CNOT4: variants seen among roughly 807,000 people sequenced by gnomAD.
CNOT4 encodes CCR4-associated factor 4.
A neutral mutation model predicts 73.8 loss-of-function variants in CNOT4; 8 were observed. The ratio of observed to expected loss-of-function variants is 0.11; its 90% CI spans 0.06 to 0.20. The LOEUF (loss-of-function observed/expected upper bound fraction) is 0.20. Ranked by LOEUF, CNOT4 falls within the 10% of genes least tolerant of loss-of-function variation. The pLI is 1.00. For synonymous variants in CNOT4, 293 were observed against 321.1 expected (o/e 0.91, Z 0.94); for missense variants, 564 against 883.4 (o/e 0.64, Z 4.58).
At chr7:135,466,576 T>A (rs1801237704) in intron 1 of CNOT4, among the ~76,000 whole-genome samples, 1 of 152,166 alleles carries the variant, frequency 6.6e-6, no homozygotes, top group Non-Finnish European at 1.5e-5. Context: ...GTAGCCTAAC[T>A]ATACAGTGTT....
At chr7:135,387,925 C>T (rs1200021663) in intron 10 of CNOT4, 1 of 959,932 alleles carries the variant, frequency 1.0e-6, no homozygotes, top group Non-Finnish European at 1.2e-6. Flanking sequence ...CTTATTATCA[C>T]ATTTTAATTA....
chr7:135,421,428 T>TA (rs1279699252), intron 3 of CNOT4, among the ~76,000 whole-genome samples: 1 of 152,114 alleles, frequency 6.6e-6, no homozygotes, highest in East Asian at 1.9e-4. Flanking sequence ...ATATTTGCCT[T>TA]CTCAACAATC....
intron 2 of CNOT4, among the ~76,000 whole-genome samples, chr7:135,435,797 T>C (rs1799120247): frequency 6.6e-6 from 1 of 152,234 alleles, no homozygotes; most frequent in South Asian, 2.1e-4. Context: ...GACATATTGC[T>C]GGACAGGTAA....
intron 10 of CNOT4, chr7:135,387,013 A>C (rs1796152574): frequency 2.3e-6 from 2 of 870,206 alleles, no homozygotes; most frequent in South Asian, 1.1e-4. Flanking sequence ...GCATCATTAC[A>C]AGGAGCCAGA....
intron 1 of CNOT4, among the ~76,000 whole-genome samples, chr7:135,492,482 G>A (rs1803173284): frequency 6.6e-6 from 1 of 152,228 alleles, no homozygotes; most frequent in Admixed American, 6.5e-5. Flanking sequence ...GCAAGGTACA[G>A]TGAAAAGGCA....
At chr7:135,400,488 T>C (rs1796949237) in intron 7 of CNOT4, among the ~76,000 whole-genome samples, 1 of 152,114 alleles carries the variant, frequency 6.6e-6, no homozygotes, top group Non-Finnish European at 1.5e-5. Context: ...TGGATCTTGG[T>C]TCATCTTCCC....
chr7:135,404,011 T>C (rs1341458981), intron 7 of CNOT4, among the ~76,000 whole-genome samples: 1 of 152,086 alleles, frequency 6.6e-6, no homozygotes, highest in African/African-American at 2.4e-5. Flanking sequence ...CCCACACTCA[T>C]CCCACCCCAC....
intron 8 of CNOT4, among the ~76,000 whole-genome samples, chr7:135,396,948 C>A (rs919087584): frequency 6.6e-6 from 1 of 151,956 alleles, no homozygotes; most frequent in Non-Finnish European, 1.5e-5. Flanking sequence ...TATAATTTTA[C>A]CATTTATTAC....
intron 1 of CNOT4, among the ~76,000 whole-genome samples, chr7:135,453,829 TA>T (rs1471456547): frequency 1.0e-4 from 9 of 86,648 alleles, no homozygotes; most frequent in Non-Finnish European, 2.1e-4. Flanking sequence ...ATATATTTTA[TA>T]TATATATATA....
chr7:135,434,655 T>G (rs908148013), intron 2 of CNOT4, among the ~76,000 whole-genome samples: 13 of 152,324 alleles, frequency 8.5e-5, no homozygotes, highest in Non-Finnish European at 1.9e-4. Context: ...ACACACTATA[T>G]GCTAACTGAC....
At chr7:135,472,476 CAAAAAAAAAAAAAAAAAA>C (rs1156589739) in intron 1 of CNOT4, among the ~76,000 whole-genome samples, 2 of 15,464 alleles carry the variant, frequency 1.3e-4, no homozygotes, top group South Asian at 5.3e-3. Context: ...GACACCGACT[CAAAAAAAAAAAAAAAAAA>C]AAAAAAAAAA....
At chr7:135,499,617 A>G (rs953441610) in intron 1 of CNOT4, among the ~76,000 whole-genome samples, 2 of 152,034 alleles carry the variant, frequency 1.3e-5, no homozygotes, top group Non-Finnish European at 1.5e-5. Context: ...CCACTATGAC[A>G]CTCATAAAGT....
chr7:135,389,157 C>CAAAAAAAAAA (rs11292254), intron 10 of CNOT4, among the ~76,000 whole-genome samples: 4 of 83,666 alleles, frequency 4.8e-5, no homozygotes, highest in African/African-American at 1.3e-4. Flanking sequence ...AACATACTAC[C>CAAAAAAAAAA]AAAAAAAAAA....
At chr7:135,414,261 C>T (rs982485317) in intron 5 of CNOT4, 70 bp downstream of exon 5, 34 of 667,964 alleles carry the variant, frequency 5.1e-5, no homozygotes, top group Non-Finnish European at 8.0e-5. Context: ...ATGCTCAGTT[C>T]TCCTCTACTT....
At chr7:135,503,316 T>C (rs561270596) in intron 1 of CNOT4, among the ~76,000 whole-genome samples, 5 of 151,766 alleles carry the variant, frequency 3.3e-5, no homozygotes, top group Non-Finnish European at 7.4e-5. Context: ...AATAAGAAAA[T>C]TAGCTGGGCA....
chr7:135,430,311 T>A (rs1002548913), intron 2 of CNOT4, among the ~76,000 whole-genome samples: 1 of 151,986 alleles, frequency 6.6e-6, no homozygotes, highest in Non-Finnish European at 1.5e-5. Context: ...TATAATCAAG[T>A]GGGGTTTATC....
At chr7:135,377,347 C>T (rs1246165598) in intron 10 of CNOT4, among the ~76,000 whole-genome samples, 1 of 152,198 alleles carries the variant, frequency 6.6e-6, no homozygotes, top group Non-Finnish European at 1.5e-5. Context: ...TCCACTGTAA[C>T]ATATGTTCCA....
intron 1 of CNOT4, among the ~76,000 whole-genome samples, chr7:135,462,231 G>A (rs998000873): frequency 2.0e-5 from 3 of 151,870 alleles, no homozygotes; most frequent in Admixed American, 2.0e-4. Flanking sequence ...TCAGCAGAGT[G>A]TGGAGTGCTT....
chr7:135,482,094 T>G (rs992694919), intron 1 of CNOT4, among the ~76,000 whole-genome samples: 2 of 152,228 alleles, frequency 1.3e-5, no homozygotes, highest in Non-Finnish European at 2.9e-5. Flanking sequence ...GAATTTTAAA[T>G]GTTCCCAACA....
Sources: gnomAD v4.1 joint callset for allele counts (sites outside exome capture counted in the v4.1 genomes callset) on GRCh38, gnomAD v4.1.1 for gene constraint, MANE v1.5 for transcripts, NCBI Gene and HGNC (gene_info 2026-07-23, HGNC 2026-07-21) for gene names.